Variants in DPH6 observed in about 807,000 individuals in gnomAD.
DPH6 encodes diphthine--ammonia ligase.
DPH6 carries 33 observed loss-of-function variants against 38.2 expected under a neutral mutation model. The observed-to-expected ratio is 0.86, with a 90% CI of 0.65 to 1.15. The LOEUF (loss-of-function observed/expected upper bound fraction) is 1.15, where lower values mean the gene tolerates loss of function less well. Ranked by LOEUF, DPH6 falls within the 50% of genes most tolerant of loss-of-function variation. The pLI is 0.00. For synonymous variants in DPH6, 108 were observed against 103.0 expected, an observed-to-expected ratio of 1.05 and a Z score of -0.30; for missense variants, 325 against 320.0, an observed-to-expected ratio of 1.02 and a Z score of -0.12.
chr15:35,240,322 G>C (rs1157866958), intron 3 of DPH6, among the ~76,000 whole-genome samples: 2 of 142,826 alleles, frequency 1.4e-5, no homozygotes, highest in African/African-American at 2.5e-5. Flanking sequence ...TCCCTTCCTA[G>C]TCTCTGTGCC....
chr15:35,236,937 G>A (rs552297070), intron 3 of DPH6, among the ~76,000 whole-genome samples: 2 of 151,912 alleles, frequency 1.3e-5, no homozygotes, highest in East Asian at 3.9e-4. Context: ...GTTCCTAGTC[G>A]ATAGATATTT....
chr15:35,460,812 G>A (rs2054056434), intron 3 of DPH6, among the ~76,000 whole-genome samples: 1 of 150,294 alleles, frequency 6.7e-6, no homozygotes, highest in Non-Finnish European at 1.5e-5. Flanking sequence ...AGGATTGCTG[G>A]GAAGCTAGTC....
the DPH6 span, among the ~76,000 whole-genome samples, chr15:35,209,776 G>A: frequency 1.1e-4 from 17 of 152,236 alleles, no homozygotes; most frequent in African/African-American, 3.9e-4. Flanking sequence ...AGCCAATTAC[G>A]AGGCAGAACA....
chr15:35,360,650 C>T (rs2052606516), intron 3 of DPH6, among the ~76,000 whole-genome samples: 1 of 152,198 alleles, frequency 6.6e-6, no homozygotes, highest in Admixed American at 6.5e-5. Flanking sequence ...AGTTCAAGGT[C>T]TATAGCCAGA....
chr15:35,358,597 C>T (rs939436210), intron 3 of DPH6, among the ~76,000 whole-genome samples: 1 of 152,186 alleles, frequency 6.6e-6, no homozygotes, highest in African/African-American at 2.4e-5. Context: ...AGTACTCTCC[C>T]CTTTTTCCTA....
intron 3 of DPH6, among the ~76,000 whole-genome samples, chr15:35,362,008 G>A (rs1342617728): frequency 6.6e-6 from 1 of 151,896 alleles, no homozygotes; most frequent in African/African-American, 2.4e-5. Flanking sequence ...GTTTCTTTAT[G>A]TGTCTTATTT....
chr15:35,226,798 A>C (rs768779795), intron 3 of DPH6, among the ~76,000 whole-genome samples: 3 of 152,164 alleles, frequency 2.0e-5, no homozygotes, highest in African/African-American at 7.2e-5. Flanking sequence ...TCAAAATACC[A>C]GTTTTGTCTG....
chr15:35,218,998 T>G (rs1346431898), exon 4 of DPH6: 1 of 152,204 alleles, frequency 6.6e-6, no homozygotes, highest in African/African-American at 2.4e-5. Flanking sequence ...CATACAGTTT[T>G]CTTTTTAATT....
chr15:35,423,087 T>C (rs2053525954), intron 5 of DPH6, among the ~76,000 whole-genome samples: 2 of 151,922 alleles, frequency 1.3e-5, no homozygotes, highest in African/African-American at 2.4e-5. Context: ...AGAAGTGTGA[T>C]TGCCGGATCA....
chr15:35,390,604 G>T (rs144618196), intron 6 of DPH6, among the ~76,000 whole-genome samples: 1 of 151,712 alleles, frequency 6.6e-6, no homozygotes, highest in Non-Finnish European at 1.5e-5. Context: ...GTCTTCCATC[G>T]CTGATACCTT....
chr15:35,213,894 C>T (rs1360524482), downstream of DPH6, among the ~76,000 whole-genome samples: 3 of 152,166 alleles, frequency 2.0e-5, no homozygotes, highest in South Asian at 2.1e-4. Context: ...GGGTGGATCA[C>T]AAGGTCAGGA....
chr15:35,340,527 T>C (rs1443036231), intron 3 of DPH6, among the ~76,000 whole-genome samples: 1 of 152,172 alleles, frequency 6.6e-6, no homozygotes, highest in Non-Finnish European at 1.5e-5. Flanking sequence ...AGTTTTTTCT[T>C]TCTGTATTTA....
At chr15:35,195,863 C>T in the DPH6 span, among the ~76,000 whole-genome samples, 2 of 152,078 alleles carry the variant, frequency 1.3e-5, no homozygotes, top group South Asian at 2.1e-4. Context: ...TCCCCACCTA[C>T]TGGTTGATCC....
the DPH6 span, among the ~76,000 whole-genome samples, chr15:35,147,397 T>TA: frequency 1.3e-5 from 2 of 152,142 alleles, no homozygotes; most frequent in South Asian, 4.2e-4. Flanking sequence ...ACAGGGAATG[T>TA]AAAAAAATAT....
intron 3 of DPH6, among the ~76,000 whole-genome samples, chr15:35,231,390 G>C (rs141342859): frequency 9.1e-4 from 139 of 152,330 alleles, no homozygotes; most frequent in African/African-American, 3.0e-3. Flanking sequence ...GAAATGGAAG[G>C]GGGGTGGCAT....
At chr15:35,519,279 C>A (rs907607911) in intron 3 of DPH6, 1 of 151,834 alleles carries the variant, frequency 6.6e-6, no homozygotes, top group Non-Finnish European at 1.5e-5. Flanking sequence ...TCATGTATAA[C>A]GACTGGGTTT....
intron 3 of DPH6, among the ~76,000 whole-genome samples, chr15:35,224,100 GTTTTT>G (rs142813866): frequency 1.0e-4 from 9 of 88,906 alleles, no homozygotes; most frequent in South Asian, 4.6e-4. Flanking sequence ...CATGATTTTA[GTTTTT>G]TTTTTTTTTT....
intron 3 of DPH6, among the ~76,000 whole-genome samples, chr15:35,331,401 G>A (rs947277278): frequency 3.3e-5 from 5 of 151,308 alleles, no homozygotes; most frequent in East Asian, 1.9e-4. Flanking sequence ...TCATCTTCCC[G>A]AAACAGATAA....
At chr15:35,393,390 C>T (rs186527468) in intron 6 of DPH6, among the ~76,000 whole-genome samples, 6 of 152,166 alleles carry the variant, frequency 3.9e-5, no homozygotes, top group Admixed American at 1.3e-4. Flanking sequence ...GAAAAGCATA[C>T]AAATTTATTT....
Sources: gnomAD v4.1 joint callset for allele counts (sites outside exome capture counted in the v4.1 genomes callset) on GRCh38, gnomAD v4.1.1 for gene constraint, MANE v1.5 for transcripts, NCBI Gene and HGNC (gene_info 2026-07-23, HGNC 2026-07-21) for gene names.